Variants in SVOPL observed in about 807,000 individuals in gnomAD.
The protein encoded by SVOPL is SVOP like, also known as putative transporter SVOPL.
In SVOPL, 60 loss-of-function variants were observed where a neutral mutation model predicts 61.0. That is an observed-to-expected ratio of 0.98 (90% CI 0.80 to 1.22). SVOPL has a LOEUF of 1.22. Ranked by LOEUF, SVOPL falls within the 50% of genes most tolerant of loss-of-function variation. The probability of loss-of-function intolerance (pLI) is 0.00; values close to 1 mark genes in which losing one functional copy is unlikely to be tolerated. For missense variants in SVOPL, 662 were observed against 643.9 expected (o/e 1.03, Z -0.30); for synonymous variants, 279 against 250.0 (o/e 1.12, Z -1.09).
chr7:138,694,268 G>C (rs11769069), intron 1 of SVOPL, among the ~76,000 whole-genome samples: 14,488 of 152,158 alleles, frequency 0.095, 1,532 homozygotes, highest in African/African-American at 0.26. Context: ...TTTTTGAGAC[G>C]GAGTCTCGCT....
chr7:138,601,206 C>T (rs529748548), intron 14 of SVOPL, among the ~76,000 whole-genome samples: 23 of 144,404 alleles, frequency 1.6e-4, no homozygotes, highest in Middle Eastern at 3.7e-3. Flanking sequence ...GAGCCAAGAT[C>T]GTGCCACTGC....
At chr7:138,682,252 T>C (rs762914986) in intron 1 of SVOPL, among the ~76,000 whole-genome samples, 3 of 152,134 alleles carry the variant, frequency 2.0e-5, no homozygotes, top group African/African-American at 4.8e-5. Flanking sequence ...AACTTTGCTA[T>C]GAGAGGAATA....
intron 9 of SVOPL, among the ~76,000 whole-genome samples, chr7:138,636,472 TTTTC>T (rs1800473839): frequency 1.3e-5 from 2 of 150,340 alleles, no homozygotes; most frequent in Admixed American, 6.6e-5. Flanking sequence ...CTCATAGGAT[TTTTC>T]TTTTTTTTTT....
At chr7:138,658,123 T>C (rs1297280277) in intron 6 of SVOPL, among the ~76,000 whole-genome samples, 2 of 152,180 alleles carry the variant, frequency 1.3e-5, no homozygotes, top group African/African-American at 4.8e-5. Flanking sequence ...GCGGGGTGTC[T>C]TGTGATGTGT....
At position 138,632,858 on chromosome 7, in the gene SVOPL, A is replaced by C. The variant is rs990465506; in HGVS notation, c.790-2736T>G. 7.2e-5 allele frequency among the ~76,000 whole-genome samples: 11 copies of C among 152,330 alleles called. No homozygotes were observed. In the East Asian group the frequency reaches 1.9e-3, roughly 27 times the overall value. ...GCACATGCCAAAAACGGTTGTACTC[A>C]GCTATCTTATAATCTTACAGCTATC... On this transcript the variant is annotated intron_variant, in intron 9 of 15. Coordinates refer to ENST00000674285, the MANE Select transcript of SVOPL (RefSeq NM_001139456.2).
Position 138,604,592 on chromosome 7 carries a change from C to G in SVOPL, c.1354-8062G>C, listed in dbSNP as rs571291703. On this transcript the variant is annotated intron_variant, in intron 14 of 15. Coordinates refer to ENST00000674285, the MANE Select transcript of SVOPL (RefSeq NM_001139456.2). ...ACTTGGGAGGCTGAGGCAGGAGAGT[C>G]TCTTGAACCTGGGAGGCAGAGGTTG... Among the ~76,000 whole-genome samples, 229 of 145,350 alleles carry G rather than the reference C, an allele frequency of 1.6e-3. 3 individuals are homozygous for G. The highest frequency in any genetic ancestry group is 5.7e-3 in the African/African-American group (226 of 39,362).
At chr7:138,698,573 G>T (rs1584875046) in intron 1 of SVOPL, among the ~76,000 whole-genome samples, 1 of 152,112 alleles carries the variant, frequency 6.6e-6, no homozygotes, top group African/African-American at 2.4e-5. Flanking sequence ...GCCTCGGACT[G>T]CTCACCTCCA....
chr7:138,679,129 ATAGT>A, intron 1 of SVOPL, 50 bp from the exon 2 acceptor site: 5 of 1,282,790 alleles, frequency 3.9e-6, no homozygotes, highest in Admixed American at 2.1e-5. Flanking sequence ...TGGTTATTGG[ATAGT>A]TAGTATATGC....
intron 9 of SVOPL, among the ~76,000 whole-genome samples, chr7:138,633,376 C>A (rs1217222742): frequency 6.6e-6 from 1 of 152,108 alleles, no homozygotes; most frequent in Non-Finnish European, 1.5e-5. Flanking sequence ...GCCCTCCCTG[C>A]AGTAACGAGT....
At chr7:138,691,601 C>G (rs899089483) in intron 1 of SVOPL, among the ~76,000 whole-genome samples, 1 of 152,166 alleles carries the variant, frequency 6.6e-6, no homozygotes, top group Non-Finnish European at 1.5e-5. Context: ...AGTGCGATGG[C>G]GTGATCTCGG....
At chr7:138,637,487 G>GAT (rs1411696983) in intron 9 of SVOPL, among the ~76,000 whole-genome samples, 11 of 18,958 alleles carry the variant, frequency 5.8e-4, no homozygotes, top group Non-Finnish European at 1.1e-3. Flanking sequence ...TATAGATATA[G>GAT]ATAGATATAT....
chr7:138,609,220 T>C (rs1798886065), intron 14 of SVOPL, among the ~76,000 whole-genome samples: 1 of 152,068 alleles, frequency 6.6e-6, no homozygotes, highest in Non-Finnish European at 1.5e-5. Context: ...GCAACAAGGC[T>C]CTCAGGCACT....
chr7:138,599,511 G>A (rs1314484962), intron 14 of SVOPL, among the ~76,000 whole-genome samples: 1 of 152,206 alleles, frequency 6.6e-6, no homozygotes, highest in African/African-American at 2.4e-5. Flanking sequence ...CAGCCAGCTA[G>A]GCATTGTTTT....
intron 14 of SVOPL, among the ~76,000 whole-genome samples, chr7:138,615,010 C>A (rs1349219502): frequency 6.6e-6 from 1 of 152,116 alleles, no homozygotes; most frequent in Non-Finnish European, 1.5e-5. Context: ...CTGTCAGGGC[C>A]TGTGCTGCAA....
intron 14 of SVOPL, among the ~76,000 whole-genome samples, chr7:138,605,127 C>T (rs538991965): frequency 4.0e-5 from 6 of 151,190 alleles, no homozygotes; most frequent in African/African-American, 4.9e-5. Context: ...GAGAATTCTC[C>T]CCACAGTTCA....
intron 14 of SVOPL, among the ~76,000 whole-genome samples, chr7:138,607,187 C>A (rs112611463): frequency 1.7e-3 from 262 of 151,956 alleles, no homozygotes; most frequent in African/African-American, 4.8e-3. Flanking sequence ...GACATCCAGG[C>A]GAAAATGCTG....
intron 13 of SVOPL, among the ~76,000 whole-genome samples, chr7:138,621,930 GTATCTATCTATCTATGTATCTATC>G (rs1563095743): frequency 8.4e-4 from 13 of 15,486 alleles, no homozygotes; most frequent in Admixed American, 1.8e-3. Context: ...ATCTATCTAT[GTATCTATCTATCTATGTATCTATC>G]TATCTATGTA....
intron 10 of SVOPL, 115 bp from the exon 11 acceptor site, chr7:138,628,478 C>T (rs1021990979): frequency 4.7e-6 from 5 of 1,063,542 alleles, no homozygotes; most frequent in Non-Finnish European, 4.1e-6. Flanking sequence ...GAGCAGAAAG[C>T]CAGGCTCAGA....
At chr7:138,689,746 A>G (rs1394848379) in intron 1 of SVOPL, among the ~76,000 whole-genome samples, 1 of 151,254 alleles carries the variant, frequency 6.6e-6, no homozygotes, top group Non-Finnish European at 1.5e-5. Context: ...AATCCCAGCT[A>G]CTCAAGAGGC....
Sources: allele counts gnomAD v4.1 joint callset (sites outside exome capture counted in the v4.1 genomes callset), GRCh38; gene constraint gnomAD v4.1.1; transcripts MANE v1.5; gene names NCBI Gene and HGNC (gene_info 2026-07-23, HGNC 2026-07-21).